The following SIPA1L2 variants were observed in gnomAD, a reference collection of about 807,000 sequenced individuals.
The protein encoded by SIPA1L2 is signal induced proliferation associated 1 like 2.
A neutral mutation model predicts 163.9 loss-of-function variants in SIPA1L2; 56 were observed. The observed-to-expected ratio is 0.34, with a 90% confidence interval of 0.28 to 0.43. The LOEUF is 0.43. SIPA1L2 is among the 20% of genes least tolerant of loss of function. The pLI, the probability that SIPA1L2 is intolerant of heterozygous loss-of-function variation, is 1.00. For missense variants in SIPA1L2, 1,974 were observed against 2,193.5 expected (o/e 0.90, Z 2.00); for synonymous variants, 877 against 865.7 (o/e 1.01, Z -0.23).
intron 2 of SIPA1L2, among the ~76,000 whole-genome samples, chr1:232,534,513 G>A (rs553937325): frequency 5.5e-4 from 84 of 152,312 alleles, no homozygotes; most frequent in African/African-American, 2.0e-3. Context: ...AAAAGTACAG[G>A]CAACAACAAC....
chr1:232,413,538 G>C (rs1214249761), intron 19 of SIPA1L2, among the ~76,000 whole-genome samples: 1 of 152,204 alleles, frequency 6.6e-6, no homozygotes, highest in Non-Finnish European at 1.5e-5. Flanking sequence ...AATCTGAAAG[G>C]TGATCACAAA....
chr1:232,406,513 A>C (rs1439905049), intron 19 of SIPA1L2, among the ~76,000 whole-genome samples: 1 of 152,252 alleles, frequency 6.6e-6, no homozygotes, highest in Non-Finnish European at 1.5e-5. Context: ...CCTAGAGCCA[A>C]GATGGCAAAA....
At chr1:232,548,408 C>T (rs1008690823) in intron 2 of SIPA1L2, among the ~76,000 whole-genome samples, 3 of 152,186 alleles carry the variant, frequency 2.0e-5, no homozygotes, top group African/African-American at 7.2e-5. Flanking sequence ...ATACTTGTCT[C>T]AATTCATAAT....
chr1:232,607,199 CAAGT>C (rs71666367), intron 1 of SIPA1L2, among the ~76,000 whole-genome samples: 45,229 of 151,758 alleles, frequency 0.3, 7,270 homozygotes, highest in Non-Finnish European at 0.36. Flanking sequence ...AACACAACCA[CAAGT>C]AATAACCATT....
intron 12 of SIPA1L2, among the ~76,000 whole-genome samples, chr1:232,442,408 C>A (rs1202943277): frequency 6.6e-6 from 1 of 151,620 alleles, no homozygotes. Flanking sequence ...ATTAGCCAGG[C>A]GTGGTGGCGA....
At chr1:232,521,875 A>G (rs1424965482) in intron 2 of SIPA1L2, among the ~76,000 whole-genome samples, 3 of 152,104 alleles carry the variant, frequency 2.0e-5, no homozygotes, top group Non-Finnish European at 4.4e-5. Flanking sequence ...CTCTATGCTG[A>G]TGACTCATAA....
At chr1:232,612,906 ATTGTACTCCCATAATTCCTACACG>A (rs1662320410) in intron 1 of SIPA1L2, among the ~76,000 whole-genome samples, 1 of 151,150 alleles carries the variant, frequency 6.6e-6, no homozygotes. Flanking sequence ...CTTATCTTGA[ATTGTACTCCCATAATTCCTACACG>A]TTGTGGGAGG....
intron 19 of SIPA1L2, among the ~76,000 whole-genome samples, chr1:232,406,638 T>C (rs368431654): frequency 2.7e-5 from 4 of 150,308 alleles, no homozygotes; most frequent in African/African-American, 7.4e-5. Context: ...TCATGTCTGT[T>C]GAACATAAGG....
Position 232,547,707 on chromosome 1 carries a change from G to A in SIPA1L2, c.-270+26467C>T, listed in dbSNP as rs531562132. On this transcript the variant is annotated intron_variant, in intron 2 of 22. Transcript: ENST00000674635. ...AATCCTACGTTATTCAAAGACTTTC[G>A]GAGGCCTCTACAGTGTTTAACGAAA... Among the ~76,000 whole-genome samples the A allele has an allele frequency of 1.2e-3, 180 of 152,142 alleles. 1 individual carries two copies. Among genetic ancestry groups the A allele is most frequent in the Middle Eastern group, 0.01 (3 of 292 alleles).
chr1:232,525,351 T>A (rs1346812418), intron 2 of SIPA1L2, among the ~76,000 whole-genome samples: 1 of 146,742 alleles, frequency 6.8e-6, no homozygotes, highest in Non-Finnish European at 1.5e-5. Flanking sequence ...TTCCTCTGCC[T>A]CAGCCTCCTG....
chr1:232,486,021 C>A (rs1665629262), intron 5 of SIPA1L2, among the ~76,000 whole-genome samples: 1 of 152,198 alleles, frequency 6.6e-6, no homozygotes, highest in South Asian at 2.1e-4. Context: ...ATTGCCAGTG[C>A]CATGTGCCAC....
chr1:232,472,773 A>T (rs1270986007), intron 7 of SIPA1L2, among the ~76,000 whole-genome samples: 1 of 152,234 alleles, frequency 6.6e-6, no homozygotes, highest in East Asian at 1.9e-4. Flanking sequence ...GCATATTCCA[A>T]GTAAAGACCA....
At chr1:232,553,231 C>G (rs754342002) in intron 2 of SIPA1L2, among the ~76,000 whole-genome samples, 1 of 152,156 alleles carries the variant, frequency 6.6e-6, no homozygotes. Flanking sequence ...GATCTCCTCC[C>G]CAACTGTCCC....
chr1:232,475,221 C>G (rs1326204613), intron 7 of SIPA1L2, among the ~76,000 whole-genome samples: 5 of 152,198 alleles, frequency 3.3e-5, no homozygotes, highest in Non-Finnish European at 5.9e-5. Flanking sequence ...GACCTCATCA[C>G]CTGCTCCTTA....
intron 2 of SIPA1L2, among the ~76,000 whole-genome samples, chr1:232,537,973 C>G (rs1341190045): frequency 2.6e-5 from 4 of 152,078 alleles, no homozygotes; most frequent in African/African-American, 9.7e-5. Context: ...CAAAAATAAC[C>G]TAAGTGTAAC....
chr1:232,456,454 T>C (rs1184154278), intron 10 of SIPA1L2, among the ~76,000 whole-genome samples: 2 of 152,064 alleles, frequency 1.3e-5, no homozygotes, highest in African/African-American at 2.4e-5. Context: ...TTGCATTATA[T>C]AGAAAAATGC....
chr1:232,468,228 CCTT>C (rs1664622066), intron 8 of SIPA1L2, among the ~76,000 whole-genome samples: 1 of 152,166 alleles, frequency 6.6e-6, no homozygotes, highest in Non-Finnish European at 1.5e-5. Flanking sequence ...CATCAGAGCT[CCTT>C]ATTTCACCCA....
In SIPA1L2 at chr1:232,483,985, A is replaced by G; in HGVS notation, c.1807-19T>C. ...AGCTCAGCTGAAATGGGGGAGAAAT[A>G]TAATTACTTGGCAAAGCATATCAGA... is the stretch of plus-strand genomic sequence containing the variant. On this transcript the variant is annotated intron_variant, in intron 5 of 22. Transcript: ENST00000674635. The G allele has an allele frequency of 6.3e-7, 1 of 1,597,252 alleles. No homozygotes were observed. Among genetic ancestry groups the G allele is most frequent in the Non-Finnish European group, 8.5e-7 (1 of 1,175,074 alleles).
intron 2 of SIPA1L2, among the ~76,000 whole-genome samples, chr1:232,521,628 T>C (rs752909414): frequency 1.1e-4 from 17 of 152,206 alleles, no homozygotes; most frequent in Non-Finnish European, 2.4e-4. Flanking sequence ...CCTATATCCA[T>C]CCATTTAAAT....
Sources: gnomAD v4.1 joint callset for allele counts (sites outside exome capture counted in the v4.1 genomes callset) on GRCh38, gnomAD v4.1.1 for gene constraint, MANE v1.5 for transcripts, NCBI Gene and HGNC (gene_info 2026-07-23, HGNC 2026-07-21) for gene names.